SBK1: variants seen among roughly 807,000 people sequenced by gnomAD.
SBK1 encodes the protein SH3 domain binding kinase 1.
A neutral mutation model predicts 24.4 loss-of-function variants in SBK1; 11 were observed. That is an observed-to-expected ratio of 0.45 (90% CI 0.28 to 0.75). The LOEUF (loss-of-function observed/expected upper bound fraction) is 0.75, where lower values mean the gene tolerates loss of function less well. Ranked by LOEUF, SBK1 falls within the 30% of genes least tolerant of loss-of-function variation. The pLI is 0.12. For synonymous variants in SBK1, 308 were observed against 284.4 expected, an observed-to-expected ratio of 1.08 and a Z score of -0.83; for missense variants, 467 against 620.5, an observed-to-expected ratio of 0.75 and a Z score of 2.63.
chr16:28,322,921 T>TCTCTCC lies in SBK1; in HGVS notation c.*2005_*2006insCCTCTC, dbSNP rs2044865426. On this transcript the variant is annotated 3_prime_UTR_variant, in exon 4 of 4. Coordinates refer to ENST00000341901, the MANE Select transcript of SBK1 (RefSeq NM_001024401.3). ...TGCTCGCTCTCTCTCTCGCGCGCGCTCTCTCTCTCCCTCTCTCTCTCTCTC... is the reference window on the plus strand; with the variant it reads ...TGCTCGCTCTCTCTCTCGCGCGCGCTCTCTCCCTCTCTCTCCCTCTCTCTCTCTCTC... 1.7e-4 allele frequency: 4 copies of TCTCTCC among 24,114 alleles called. No individual in the cohort carries two copies. Among genetic ancestry groups the TCTCTCC allele is most frequent in the African/African-American group, 6.2e-4 (4 of 6,456 alleles). 1.5% of individuals were successfully genotyped at this position (24,114 alleles called of 1,614,324 possible). A position where few individuals can be genotyped will look rare whatever the true frequency, so the allele number is the denominator to read the frequency against.
chr16:28,315,216 C>A (rs1439361772), intron 1 of SBK1, among the ~76,000 whole-genome samples: 1 of 146,588 alleles, frequency 6.8e-6, no homozygotes, highest in African/African-American at 2.6e-5. Flanking sequence ...GAGTGGTTGC[C>A]TGGAAGACCG....
chr16:28,264,906 C>T (rs796500542), intron 1 of SBK1, among the ~76,000 whole-genome samples: 5 of 152,112 alleles, frequency 3.3e-5, no homozygotes, highest in African/African-American at 1.2e-4. Context: ...GTCACGGAAA[C>T]CAAGGAAGTG....
At position 28,301,731 on chromosome 16, in the gene SBK1, C is replaced by T. The variant is rs943539338; in HGVS notation, c.-8+8431C>T. Reference sequence around the variant, plus strand: ...TCCCCAGGCTCACCTGCAGAGTCAACGACAGATCCAAGGTCCAGGCCCCTC... The same window carrying T: ...TCCCCAGGCTCACCTGCAGAGTCAATGACAGATCCAAGGTCCAGGCCCCTC... On this transcript the variant is annotated intron_variant, in intron 1 of 3. Transcript: ENST00000341901. 5.9e-5 allele frequency among the ~76,000 whole-genome samples: 9 copies of T among 152,186 alleles called. No homozygotes were observed. The East Asian group carries it at 7.7e-4, about 13-fold the overall frequency.
At chr16:28,283,404 C>T (rs1359063522) in intron 1 of SBK1, among the ~76,000 whole-genome samples, 1 of 152,102 alleles carries the variant, frequency 6.6e-6, no homozygotes, top group African/African-American at 2.4e-5. Flanking sequence ...CTCTCTTTAC[C>T]TCTCTTGGCT....
Position 28,320,819 on chromosome 16 carries a change from G to A in SBK1, c.1173G>A (p.Glu391=). The change falls in exon 4 of 4, where the codon GAG becomes GAA. Residue 391 remains glutamate (E), a synonymous_variant. Coordinates refer to ENST00000341901, the MANE Select transcript of SBK1 (RefSeq NM_001024401.3). The surrounding 1 kb of genome is among the most constrained non-coding windows in gnomAD (Gnocchi z 8.5). ...TGCCCGTGCCGGTGCCTGTGCCCGA[G>A]CCCGGCCTAGCTCCCCAGGGGCCCC... ...VPVPVPVPVP[E]PGLAPQGPPG... The A allele has an allele frequency of 6.9e-7, 1 of 1,454,814 alleles. No individual in the cohort carries two copies. The highest frequency in any genetic ancestry group is 1.5e-5 in the African/African-American group (1 of 66,990). 90.1% of individuals were successfully genotyped at this position (1,454,814 alleles called of 1,614,324 possible).
rs2044806952 is a variant in SBK1 at position 28,317,568 on chromosome 16, G to C, written c.177G>C (p.Leu59=). 6.2e-7 allele frequency: 1 copy of C among 1,614,094 alleles called. No homozygotes were observed. Among genetic ancestry groups the C allele is most frequent in the African/African-American group, 1.3e-5 (1 of 74,924 alleles). The change falls in exon 2 of 4, where the codon CTG becomes CTC. Residue 59 remains leucine, a synonymous_variant. Transcript: ENST00000341901. The surrounding 1 kb of genome is among the most constrained non-coding windows in gnomAD (Gnocchi z 4.2). The part of the protein sequence containing the change: ...VTKHYELVRE[L]GKGTYGKVDL... ...AGCACTACGAACTAGTCCGGGAGCTGGGCAAAGGCACCTATGGGAAGGTTG... is the reference window on the plus strand; with the variant it reads ...AGCACTACGAACTAGTCCGGGAGCTCGGCAAAGGCACCTATGGGAAGGTTG...
At chr16:28,276,414 G>A (rs2044494128) in intron 1 of SBK1, among the ~76,000 whole-genome samples, 1 of 152,150 alleles carries the variant, frequency 6.6e-6, no homozygotes. Flanking sequence ...CAAGACCCGC[G>A]CCCCTGAATG....
chr16:28,311,032 T>C (rs1260891111), intron 1 of SBK1, among the ~76,000 whole-genome samples: 1 of 151,958 alleles, frequency 6.6e-6, no homozygotes, highest in African/African-American at 2.4e-5. Flanking sequence ...TAATTCCTTG[T>C]CTCCTGCTGA....
intron 1 of SBK1, among the ~76,000 whole-genome samples, chr16:28,311,093 A>AAGG (rs986522340): frequency 1.8e-4 from 27 of 152,220 alleles, no homozygotes; most frequent in Admixed American, 9.8e-4. Flanking sequence ...GAAGGAGAAG[A>AAGG]AGGAGGGAGG....
intron 1 of SBK1, among the ~76,000 whole-genome samples, chr16:28,260,463 C>CT (rs2044390896): frequency 6.6e-6 from 1 of 152,242 alleles, no homozygotes; most frequent in Admixed American, 6.5e-5. Context: ...CAGCACTACC[C>CT]TGCCCTGGGT....
chr16:28,299,308 A>G (rs1243233589), intron 1 of SBK1, among the ~76,000 whole-genome samples: 1 of 152,180 alleles, frequency 6.6e-6, no homozygotes, highest in Non-Finnish European at 1.5e-5. Context: ...TGTTGTTCAT[A>G]TAAGTCCTCA....
At position 28,265,962 on chromosome 16, in the gene SBK1, T is replaced by TAA. The variant is rs11393970; in HGVS notation, c.257+6473_257+6474dup. Among the ~76,000 whole-genome samples, 495 of 142,208 alleles carry TAA rather than the reference T, an allele frequency of 3.5e-3. 1 individual carries two copies. The highest frequency in any genetic ancestry group is 4.6e-3 in the Non-Finnish European group (300 of 65,086). 93.3% of individuals were successfully genotyped at this position (142,208 alleles called of 152,430 possible). ...GCACAGAGTGAGACTCTGTCTCAAT[T>TAA]AAAAAAAAAAAAAAGAATGCAAACA... On this transcript the variant is annotated intron_variant, in intron 1 of 3. Transcript: ENST00000671413.
chr16:28,272,954 G>C (rs543307923), intron 1 of SBK1, among the ~76,000 whole-genome samples: 1 of 151,898 alleles, frequency 6.6e-6, no homozygotes, highest in Non-Finnish European at 1.5e-5. Flanking sequence ...AATTGTAGTA[G>C]TCCCTGTTGC....
At chr16:28,269,409 G>A (rs1051565934) in intron 1 of SBK1, among the ~76,000 whole-genome samples, 1 of 151,918 alleles carries the variant, frequency 6.6e-6, no homozygotes, top group Non-Finnish European at 1.5e-5. Flanking sequence ...GGAAAGAAAG[G>A]GTATGAAGAT....
chr16:28,317,510 C>T lies in SBK1; in HGVS notation c.119C>T (p.Thr40Ile). 6.2e-7 allele frequency: 1 copy of T among 1,614,172 alleles called. No homozygotes were observed. ...CTCACTGAAGACATGCAGGCCCTGA[C>T]TCTCCGCACACTGGCCGCCAGCGAC... is the stretch of plus-strand genomic sequence containing the variant. ...PLLTEDMQAL[T>I]LRTLAASDVT... The change falls in exon 2 of 4, where the codon ACT (threonine) becomes ATT (isoleucine). Residue 40 changes from threonine (T) to isoleucine (I), a missense_variant. Coordinates refer to ENST00000341901, the MANE Select transcript of SBK1 (RefSeq NM_001024401.3). The surrounding 1 kb of genome is among the most constrained non-coding windows in gnomAD (Gnocchi z 4.2).
chr16:28,310,496 A>G (rs1319569865), intron 1 of SBK1, among the ~76,000 whole-genome samples: 3 of 152,210 alleles, frequency 2.0e-5, no homozygotes, highest in Non-Finnish European at 1.5e-5. Flanking sequence ...GAAAGGTACC[A>G]GCTTTGGAGC....
In SBK1 at chr16:28,319,934, G is replaced by T; in HGVS notation, c.430-142G>T. 1 of 734,356 alleles carries T rather than the reference G, an allele frequency of 1.4e-6. No homozygotes were observed. The highest frequency in any genetic ancestry group is 2.1e-6 in the Non-Finnish European group (1 of 478,700). The allele number at this position is 734,356 out of a possible 1,614,324, so 45.5% of individuals were successfully genotyped here. A position where few individuals can be genotyped will look rare whatever the true frequency, so the allele number is the denominator to read the frequency against. On this transcript the variant is annotated intron_variant, in intron 3 of 3. Coordinates refer to ENST00000341901, the MANE Select transcript of SBK1 (RefSeq NM_001024401.3). This position sits in a 1 kb window ranked among gnomAD's most constrained non-coding sequence, Gnocchi z 4.0. ...GGAAAGGGCGCTCAGCAGCATCCGGGCCGCGTCTGCGCGGTCGCCCCAGTT... is the reference window on the plus strand; with the variant it reads ...GGAAAGGGCGCTCAGCAGCATCCGGTCCGCGTCTGCGCGGTCGCCCCAGTT...
rs1567667555 is a variant in SBK1 at position 28,259,958 on chromosome 16, C to G, written c.257+456C>G. 6.6e-6 allele frequency among the ~76,000 whole-genome samples: 1 copy of G among 152,174 alleles called. No homozygotes were observed. The highest frequency in any genetic ancestry group is 6.5e-5 in the Admixed American group (1 of 15,278). ...CTGCAACGCTTCCTCCTTCAGGAAG[C>G]CCTCCTGGATGTCCCTGTCCCACCC... is the stretch of plus-strand genomic sequence containing the variant. On this transcript the variant is annotated intron_variant, in intron 1 of 3. Coordinates refer to the SBK1 transcript ENST00000671413. The surrounding 1 kb of genome is among the most constrained non-coding windows in gnomAD (Gnocchi z 6.0).
chr16:28,297,506 A>G (rs1298018506), intron 1 of SBK1, among the ~76,000 whole-genome samples: 2 of 152,200 alleles, frequency 1.3e-5, no homozygotes, highest in Non-Finnish European at 1.5e-5. Context: ...AGCAGATACC[A>G]GAGCACCATG....
Sources: allele counts gnomAD v4.1 joint callset (sites outside exome capture counted in the v4.1 genomes callset), GRCh38; gene constraint gnomAD v4.1.1; non-coding constraint Gnocchi (gnomAD v3.1); transcripts MANE v1.5; gene names NCBI Gene and HGNC (gene_info 2026-07-23, HGNC 2026-07-21).